Variants in CPSF4 observed in about 807,000 individuals in gnomAD.
CPSF4 encodes the protein cleavage and polyadenylation specific factor 4, also known as cleavage and polyadenylation specificity factor subunit 4.
CPSF4 carries 11 observed loss-of-function variants against 37.7 expected under a neutral mutation model. The observed-to-expected ratio is 0.29, with a 90% CI of 0.18 to 0.48. The LOEUF is 0.48. CPSF4 is among the 20% of genes least tolerant of loss of function. The probability of loss-of-function intolerance (pLI) is 0.99; values close to 1 mark genes in which losing one functional copy is unlikely to be tolerated. For synonymous variants in CPSF4, 132 were observed against 135.9 expected (o/e 0.97, Z 0.20); for missense variants, 144 against 359.5 (o/e 0.40, Z 4.85).
rs913566941 is a variant in CPSF4, at chr7:99,439,332, C to T, written c.103+147C>T. 18 of 587,116 alleles carry T rather than the reference C, an allele frequency of 3.1e-5. No individual in the cohort carries two copies. The South Asian group carries it at 3.1e-4, about 10-fold the overall frequency. The allele number at this position is 587,116 out of a possible 1,614,324, so 36.4% of individuals were successfully genotyped here. ...ACCCCTCCCCTTTGGTCGCAGGACT[C>T]CTCCCTCTAGGTCTTGAGAGTCCCT... On this transcript the variant is annotated intron_variant, in intron 1 of 7. Transcript: ENST00000292476.
rs762892785 is a variant in CPSF4, at chr7:99,446,771, C to CTT, written c.155-1314_155-1313dup. On this transcript the variant is annotated intron_variant, in intron 2 of 7. Coordinates refer to ENST00000292476, the MANE Select transcript of CPSF4 (RefSeq NM_006693.4). ...TACAGGTGTACACCACCATACCCAG[C>CTT]TTTTTTTTTTTTTTTTTTTTTTTTT... Among the ~76,000 whole-genome samples the CTT allele has an allele frequency of 1.8e-3, 51 of 29,124 alleles. 16 individuals are homozygous for CTT. The highest frequency in any genetic ancestry group is 3.2e-3 in the African/African-American group (14 of 4,440). The allele number at this position is 29,124 out of a possible 152,430, so 19.1% of individuals were successfully genotyped here. A position where few individuals can be genotyped will look rare whatever the true frequency, so the allele number is the denominator to read the frequency against.
In CPSF4 at chr7:99,453,909, G is replaced by C. The variant is rs370251051; in HGVS notation, c.571-57G>C. ...CGCCCTCTTTTTTCCTGTCCCCATC[G>C]GTAGTCTGCGTGCACGTGTTTTCCA... On this transcript the variant is annotated intron_variant, in intron 6 of 7. Transcript: ENST00000292476. The surrounding 1 kb of genome is among the most constrained non-coding windows in gnomAD (Gnocchi z 4.7). 1.9e-6 allele frequency: 3 copies of C among 1,542,410 alleles called. No individual in the cohort carries two copies. The highest frequency in any genetic ancestry group is 2.7e-5 in the African/African-American group (2 of 73,230).
At chr7:99,441,641 G>C (rs986769418) in intron 1 of CPSF4, among the ~76,000 whole-genome samples, 1 of 152,150 alleles carries the variant, frequency 6.6e-6, no homozygotes, top group African/African-American at 2.4e-5. Flanking sequence ...GTATTTCTGA[G>C]CAGAAGCAAC....
intron 1 of CPSF4, 50 bp downstream of exon 1, chr7:99,439,235 C>CCGCTCCTCTGTGATCCCGGGACT (rs1796653269): frequency 1.4e-5 from 19 of 1,393,364 alleles, no homozygotes; most frequent in Non-Finnish European, 1.9e-5. Context: ...AACCCGGGAC[C>CCGCTCCTCTGTGATCCCGGGACT]CGCTCCTCTG....
Position 99,439,026 on chromosome 7 carries a change from C to A in CPSF4, c.-57C>A. ...CGGCGGGGCCGGCGGCGGGTAAAGG[C>A]GAGAAGGCTGCAGGAGACCGAGGGG... On this transcript the variant is annotated 5_prime_UTR_variant, in exon 1 of 8. Transcript: ENST00000292476. The A allele has an allele frequency of 6.6e-7, 1 of 1,517,490 alleles. No individual in the cohort carries two copies. Among genetic ancestry groups the A allele is most frequent in the Non-Finnish European group, 8.9e-7 (1 of 1,125,824 alleles). The allele number at this position is 1,517,490 out of a possible 1,614,324, so 94.0% of individuals were successfully genotyped here.
chr7:99,447,096 G>A (rs570039614), intron 2 of CPSF4, among the ~76,000 whole-genome samples: 2 of 140,438 alleles, frequency 1.4e-5, no homozygotes, highest in Admixed American at 6.9e-5. Flanking sequence ...TGGTCCCCAA[G>A]CTTGCTTGGC....
At chr7:99,447,103 T>G (rs1797568151) in intron 2 of CPSF4, among the ~76,000 whole-genome samples, 1 of 135,578 alleles carries the variant, frequency 7.4e-6, no homozygotes. Context: ...CAAGCTTGCT[T>G]GGCTGGCTTA....
chr7:99,453,807 CAT>C lies in CPSF4; in HGVS notation c.571-158_571-157del, dbSNP rs745778882. ...GCAGTGGCTTCTGCCATCATCACCA[CAT>C]GTTTCTCTGCTGCCCACTGTCCTGA... On this transcript the variant is annotated intron_variant, in intron 6 of 7. Transcript: ENST00000292476. This position sits in a 1 kb window ranked among gnomAD's most constrained non-coding sequence, Gnocchi z 4.7. 1.4e-3 allele frequency: 889 copies of C among 653,136 alleles called. 3 individuals are homozygous for C. Among genetic ancestry groups the C allele is most frequent in the Admixed American group, 2.6e-3 (98 of 37,812 alleles). 40.5% of individuals were successfully genotyped at this position (653,136 alleles called of 1,614,324 possible).
rs572721425 is a variant in CPSF4 at position 99,444,581 on chromosome 7, A to C, written c.104-208A>C. Among the ~76,000 whole-genome samples, 5 of 152,216 alleles carry C rather than the reference A, an allele frequency of 3.3e-5. No homozygotes were observed. The South Asian group carries it at 1.0e-3, about 32-fold the overall frequency. On this transcript the variant is annotated intron_variant, in intron 1 of 7. Transcript: ENST00000292476. The stretch of plus-strand genomic sequence containing the variant: ...AAGCACTGGGTAATGACTGTTCTCA[A>C]TGTATGTGTCTCATTTTGTAGGGCG...
At position 99,450,592 on chromosome 7, in the gene CPSF4, G is replaced by A. The variant is rs1334159028; in HGVS notation, c.404-110G>A. 3 of 942,014 alleles carry A rather than the reference G, an allele frequency of 3.2e-6. No homozygotes were observed. The African/African-American group carries it at 4.9e-5, about 15-fold the overall frequency. 58.4% of individuals were successfully genotyped at this position (942,014 alleles called of 1,614,324 possible). On this transcript the variant is annotated intron_variant, in intron 4 of 7. Transcript: ENST00000292476. ...TAAGGAGGCCAGTGTTGGGAGGTGA[G>A]GTCCCTGCCCCGTCTCCCATGAATG...
chr7:99,453,644 T>C lies in CPSF4; in HGVS notation c.571-322T>C. ...GCTGAACCAAGCGTTCATCCTGACC[T>C]GAAGCCAGAACCTCAGAAACCAAAG... On this transcript the variant is annotated intron_variant, in intron 6 of 7. Transcript: ENST00000292476. The surrounding 1 kb of genome is among the most constrained non-coding windows in gnomAD (Gnocchi z 4.7). The C allele has an allele frequency of 3.8e-6, 1 of 263,408 alleles. No individual in the cohort carries two copies. The highest frequency in any genetic ancestry group is 2.2e-5 in the African/African-American group (1 of 44,618). The allele number at this position is 263,408 out of a possible 1,614,324, so 16.3% of individuals were successfully genotyped here. A position where few individuals can be genotyped will look rare whatever the true frequency, so the allele number is the denominator to read the frequency against.
chr7:99,440,674 A>ATATATGTTTTTTTTTTT, intron 1 of CPSF4, among the ~76,000 whole-genome samples: 1 of 88,130 alleles, frequency 1.1e-5, no homozygotes, highest in Non-Finnish European at 1.8e-5. Context: ...ATATATATAT[A>ATATATGTTTTTTTTTTT]TTTTTTTTTT....
rs1797847410 is a variant in CPSF4, at chr7:99,450,391, G to A, written c.403+20G>A. 1.9e-6 allele frequency: 3 copies of A among 1,561,124 alleles called. No homozygotes were observed. Among genetic ancestry groups the A allele is most frequent in the Non-Finnish European group, 2.6e-6 (3 of 1,134,302 alleles). Reference sequence around the variant, plus strand: ...AGCACGGTAGGTGCCAGGGTGGGCTGGGCCCCGGGCAAGAAGCCAGTCCTC... The same window carrying A: ...AGCACGGTAGGTGCCAGGGTGGGCTAGGCCCCGGGCAAGAAGCCAGTCCTC... On this transcript the variant is annotated intron_variant, in intron 4 of 7. Coordinates refer to ENST00000292476, the MANE Select transcript of CPSF4 (RefSeq NM_006693.4).
rs1283369680 is a variant in CPSF4, at chr7:99,450,706, C to T, written c.408C>T (p.Pro136=). ...WYDRGFCKHG[P]LCRHRHTRRV... Reference sequence around the variant, plus strand: ...ACCGGACACTTGGCTCTGCAGGTCCCCTCTGCAGGCACCGGCACACACGGA... The same window carrying T: ...ACCGGACACTTGGCTCTGCAGGTCCTCTCTGCAGGCACCGGCACACACGGA... Residue 136 remains proline, a synonymous_variant, in exon 5 of 8, where the codon CCC becomes CCT. Coordinates refer to ENST00000292476, the MANE Select transcript of CPSF4 (RefSeq NM_006693.4). The T allele has an allele frequency of 5.0e-6, 8 of 1,613,266 alleles. No individual in the cohort carries two copies. The African/African-American group carries it at 9.3e-5, about 19-fold the overall frequency.
In CPSF4 at chr7:99,448,288, G is replaced by A. The variant is rs745336090; in HGVS notation, c.307+15G>A. On this transcript the variant is annotated intron_variant, in intron 3 of 7. Transcript: ENST00000292476. This position sits in a 1 kb window ranked among gnomAD's most constrained non-coding sequence, Gnocchi z 4.4. ...CTCCAAGTTCGGTAAGGCGCCTGGA[G>A]CCCTGGAGGCTCTGCTGAGAACCAG... 2 of 1,613,674 alleles carry A rather than the reference G, an allele frequency of 1.2e-6. No individual in the cohort carries two copies.
chr7:99,449,825 G>A (rs1241534288), intron 3 of CPSF4, among the ~76,000 whole-genome samples: 2 of 152,232 alleles, frequency 1.3e-5, no homozygotes, highest in African/African-American at 2.4e-5. Flanking sequence ...CTGGTACAGG[G>A]GGACCCATGT....
intron 7 of CPSF4, 69 bp downstream of exon 7, chr7:99,454,205 A>G (rs376215260): frequency 2.2e-6 from 3 of 1,361,612 alleles, no homozygotes; most frequent in South Asian, 2.6e-5. Flanking sequence ...CTCATGCCCC[A>G]TGTGTTTGGT....
At chr7:99,452,190 G>A (rs531548200) in intron 5 of CPSF4, among the ~76,000 whole-genome samples, 178 bp from the exon 6 acceptor site, 83 of 152,324 alleles carry the variant, frequency 5.4e-4, no homozygotes, top group African/African-American at 2.0e-3. Flanking sequence ...CCTCCCAGGA[G>A]CAGAGCTGAG....
At chr7:99,440,346 G>T (rs1341448965) in intron 1 of CPSF4, among the ~76,000 whole-genome samples, 2 of 151,926 alleles carry the variant, frequency 1.3e-5, no homozygotes, top group South Asian at 4.1e-4. Flanking sequence ...ATGTGTTTTT[G>T]TTGTTGTTGT....
Sources: allele counts gnomAD v4.1 joint callset (sites outside exome capture counted in the v4.1 genomes callset), GRCh38; gene constraint gnomAD v4.1.1; non-coding constraint Gnocchi (gnomAD v3.1); transcripts MANE v1.5; gene names NCBI Gene and HGNC (gene_info 2026-07-23, HGNC 2026-07-21).